Variants in COL18A1 observed in about 807,000 individuals in gnomAD.
COL18A1 encodes the protein collagen type XVIII alpha 1 chain.
In COL18A1, 133 loss-of-function variants were observed where a neutral mutation model predicts 168.0. The observed-to-expected ratio is 0.79, with a 90% CI of 0.69 to 0.91. The LOEUF (loss-of-function observed/expected upper bound fraction) is 0.91. COL18A1 is among the 40% of genes least tolerant of loss of function. COL18A1 has a pLI of 0.00. For synonymous variants in COL18A1, 949 were observed against 809.0 expected (o/e 1.17, Z -2.94); for missense variants, 2,126 against 1,925.4 (o/e 1.10, Z -1.95).
chr21:45,442,315 C>T (rs2034391405), intron 2 of COL18A1, among the ~76,000 whole-genome samples: 1 of 152,220 alleles, frequency 6.6e-6, no homozygotes, highest in African/African-American at 2.4e-5. Context: ...AACTGCAGAG[C>T]ATGATGAAAA....
Position 45,509,983 on chromosome 21 carries a change from C to T in COL18A1, c.3496-81C>T, listed in dbSNP as rs373840442. The T allele has an allele frequency of 1.2e-3, 1,820 of 1,467,296 alleles. 26 individuals are homozygous for T. In the African/African-American group the frequency reaches 0.022, roughly 18 times the overall value. The allele number at this position is 1,467,296 out of a possible 1,614,324, so 90.9% of individuals were successfully genotyped here. A position where few individuals can be genotyped will look rare whatever the true frequency, so the allele number is the denominator to read the frequency against. ...TCGGCCGTGCCTGTCCACACAGGTG[C>T]GGGGCCGGGGTGGTGCGCCCGGGGC... On this transcript the variant is annotated intron_variant, in intron 39 of 41. Coordinates refer to ENST00000651438, the MANE Select transcript of COL18A1 (RefSeq NM_001379500.1).
intron 38 of COL18A1, among the ~76,000 whole-genome samples, chr21:45,508,534 A>C (rs2037387899): frequency 6.6e-6 from 1 of 151,244 alleles, no homozygotes. Context: ...GGGTGGGTGG[A>C]TGGATGGGTA....
chr21:45,456,008 ACC>A lies in COL18A1; in HGVS notation c.107-12229_107-12228del, dbSNP rs766977257. The A allele has an allele frequency of 1.2e-5, 20 of 1,612,590 alleles. No homozygotes were observed. Among genetic ancestry groups the A allele is most frequent in the Non-Finnish European group, 1.2e-5 (14 of 1,179,846 alleles). Reference sequence around the variant, plus strand: ...CCTTGCCCTCGCTGGGCCTTCCAGCACCCCCCAGGAGAATGGGACCACTCTCT... The same window carrying A: ...CCTTGCCCTCGCTGGGCCTTCCAGCACCCCAGGAGAATGGGACCACTCTCT... On this transcript the variant is annotated intron_variant, in intron 2 of 41. Transcript: ENST00000651438.
Position 45,497,852 on chromosome 21 carries a change from G to A in COL18A1, c.2683+191G>A, listed in dbSNP as rs985185526. On this transcript the variant is annotated intron_variant, in intron 32 of 41. Transcript: ENST00000651438. ...ATAGGACCTGGATTTGGGGGCGAGG[G>A]TGGCTGCAGGGCACAAGCCCAGCAA... 9 of 728,112 alleles carry A rather than the reference G, an allele frequency of 1.2e-5. 1 individual carries two copies. Among genetic ancestry groups the A allele is most frequent in the African/African-American group, 3.5e-5 (2 of 56,586 alleles). 45.1% of individuals were successfully genotyped at this position (728,112 alleles called of 1,614,324 possible). A position where few individuals can be genotyped will look rare whatever the true frequency, so the allele number is the denominator to read the frequency against.
intron 14 of COL18A1, 123 bp downstream of exon 14, chr21:45,482,148 C>T (rs1602504054): frequency 2.6e-6 from 2 of 770,380 alleles, no homozygotes; most frequent in South Asian, 1.5e-5. Flanking sequence ...ATCACAGCCC[C>T]ACAGCCTGGG....
chr21:45,452,980 AT>A (rs1360826115), intron 2 of COL18A1, among the ~76,000 whole-genome samples: 1 of 151,166 alleles, frequency 6.6e-6, no homozygotes, highest in Non-Finnish European at 1.5e-5. Flanking sequence ...ATGCATGAGT[AT>A]TCACATGTGA....
At chr21:45,451,080 G>A (rs1340053608) in intron 2 of COL18A1, among the ~76,000 whole-genome samples, 1 of 152,238 alleles carries the variant, frequency 6.6e-6, no homozygotes, top group East Asian at 1.9e-4. Context: ...TCTGGGGGGT[G>A]TGAGGTTCTG....
chr21:45,431,007 C>CG lies in COL18A1; in HGVS notation c.106+25537dup, dbSNP rs1304533144. On this transcript the variant is annotated intron_variant, in intron 2 of 41. Coordinates refer to ENST00000651438, the MANE Select transcript of COL18A1 (RefSeq NM_001379500.1). Reference sequence around the variant, plus strand: ...GTCCCGGGGTGCCCTTGCCTGTTGACGGGCGGGCCGAGCAGGACTGTTCTC... The same window carrying CG: ...GTCCCGGGGTGCCCTTGCCTGTTGACGGGGCGGGCCGAGCAGGACTGTTCTC... 5.3e-5 allele frequency among the ~76,000 whole-genome samples: 8 copies of CG among 152,378 alleles called. No individual in the cohort carries two copies. The East Asian group carries it at 1.4e-3, about 26-fold the overall frequency.
Position 45,485,149 on chromosome 21 carries a change from A to ATTTTTTTTTTTTTTT in COL18A1, c.1702-1695_1702-1681dup, listed in dbSNP as rs751718038. 9.1e-4 allele frequency among the ~76,000 whole-genome samples: 50 copies of ATTTTTTTTTTTTTTT among 55,088 alleles called. 4 individuals are homozygous for ATTTTTTTTTTTTTTT. Among genetic ancestry groups the ATTTTTTTTTTTTTTT allele is most frequent in the African/African-American group, 1.2e-3 (15 of 12,514 alleles). The allele number at this position is 55,088 out of a possible 152,430, so 36.1% of individuals were successfully genotyped here. On this transcript the variant is annotated intron_variant, in intron 15 of 41. Coordinates refer to ENST00000651438, the MANE Select transcript of COL18A1 (RefSeq NM_001379500.1). ...AGGCATCTGCCACCACACCTGGCTA[A>ATTTTTTTTTTTTTTT]TTTTTTTTTTTTTTTTTTTTTTTTT...
chr21:45,500,343 ATG>A (rs1344995837), intron 32 of COL18A1, among the ~76,000 whole-genome samples: 16 of 42,942 alleles, frequency 3.7e-4, no homozygotes, highest in African/African-American at 1.6e-3. Flanking sequence ...GAGTGTGCAT[ATG>A]TGGGTGTTGG....
chr21:45,509,731 G>A (rs1404965898), intron 39 of COL18A1, 130 bp downstream of exon 39: 8 of 711,878 alleles, frequency 1.1e-5, no homozygotes, highest in South Asian at 3.0e-5. Context: ...TGGCGGCTCA[G>A]GGCCACTCAG....
chr21:45,485,309 C>T (rs895732109), intron 15 of COL18A1, among the ~76,000 whole-genome samples: 1 of 148,292 alleles, frequency 6.7e-6, no homozygotes, highest in African/African-American at 2.5e-5. Flanking sequence ...CCTAAACAAA[C>T]TTTTTTATAG....
At chr21:45,437,087 A>AT (rs2034124138) in intron 2 of COL18A1, among the ~76,000 whole-genome samples, 1 of 150,430 alleles carries the variant, frequency 6.6e-6, no homozygotes, top group Admixed American at 6.6e-5. Flanking sequence ...CCACAGCATC[A>AT]CACAGGCACT....
chr21:45,510,738 A>G (rs2037530150), intron 40 of COL18A1, among the ~76,000 whole-genome samples: 1 of 152,082 alleles, frequency 6.6e-6, no homozygotes, highest in South Asian at 2.1e-4. Context: ...GAGCACCCAC[A>G]TTCCCCAGAA....
Position 45,478,332 on chromosome 21 carries a change from C to T in COL18A1, c.1227C>T (p.Asp409=), listed in dbSNP as rs781130929. 2 of 1,614,120 alleles carry T rather than the reference C, an allele frequency of 1.2e-6. No individual in the cohort carries two copies. The highest frequency in any genetic ancestry group is 2.2e-5 in the South Asian group (2 of 91,076). ...GTPGRDGEPG[D]PGEDGKPGDT... ...GGCTTCTCTTGCACACCCAGGGCGA[C>T]CCCGGTGAAGACGGAAAGCCGGTGA... Residue 409 remains aspartate (D), a synonymous_variant, in exon 9 of 42, where the codon GAC becomes GAT. Transcript: ENST00000651438.
chr21:45,509,734 C>A, intron 39 of COL18A1, 133 bp downstream of exon 39: 2 of 712,222 alleles, frequency 2.8e-6, no homozygotes, highest in Admixed American at 4.0e-5. Flanking sequence ...CGGCTCAGGG[C>A]CACTCAGGGC....
intron 2 of COL18A1, among the ~76,000 whole-genome samples, chr21:45,445,996 A>T (rs954004777): frequency 2.6e-5 from 4 of 152,178 alleles, no homozygotes; most frequent in African/African-American, 9.7e-5. Context: ...TTTTGCTGTC[A>T]TATGTAAGAA....
At position 45,478,322 on chromosome 21, in the gene COL18A1, C is replaced by T. The variant is rs1250535257; in HGVS notation, c.1222-5C>T. On this transcript the variant is annotated splice_polypyrimidine_tract_variant and splice_region_variant and intron_variant, in intron 8 of 41. Coordinates refer to ENST00000651438, the MANE Select transcript of COL18A1 (RefSeq NM_001379500.1). ...CATCACTAATGGCTTCTCTTGCACA[C>T]CCAGGGCGACCCCGGTGAAGACGGA... 2 of 1,613,946 alleles carry T rather than the reference C, an allele frequency of 1.2e-6. No homozygotes were observed. The highest frequency in any genetic ancestry group is 1.1e-5 in the South Asian group (1 of 91,064).
At chr21:45,506,613 G>A in intron 37 of COL18A1, 1 of 177,494 alleles carries the variant, frequency 5.6e-6, no homozygotes, top group Non-Finnish European at 1.2e-5. Context: ...GCAAAGGTGA[G>A]GACGGGTAGA....
Sources: allele counts gnomAD v4.1 joint callset (sites outside exome capture counted in the v4.1 genomes callset), GRCh38; gene constraint gnomAD v4.1.1; transcripts MANE v1.5; gene names NCBI Gene and HGNC (gene_info 2026-07-23, HGNC 2026-07-21).